SENP8: variants seen among roughly 807,000 people sequenced by gnomAD.
SENP8 encodes the protein SUMO peptidase family member, NEDD8 specific.
Under a neutral mutation model 14.4 loss-of-function variants are expected in SENP8, and 10 were observed. That is an observed-to-expected ratio of 0.69 (90% CI 0.43 to 1.18). The LOEUF (loss-of-function observed/expected upper bound fraction) is 1.18, where lower values mean the gene tolerates loss of function less well. Among genes scored for constraint, SENP8 ranks in the 50% most tolerant of loss-of-function variants. SENP8 has a pLI of 0.00. For synonymous variants in SENP8, 94 were observed against 95.5 expected, an observed-to-expected ratio of 0.98 and a Z score of 0.09; for missense variants, 202 against 249.4, an observed-to-expected ratio of 0.81 and a Z score of 1.28.
chr15:72,131,149 A>C (rs942749003), intron 1 of SENP8, among the ~76,000 whole-genome samples: 2 of 152,176 alleles, frequency 1.3e-5, no homozygotes, highest in East Asian at 3.8e-4. Flanking sequence ...GGATGCAGTG[A>C]GCTATAATCA....
At chr15:72,130,165 G>T (rs1415962743) in intron 1 of SENP8, among the ~76,000 whole-genome samples, 2 of 152,132 alleles carry the variant, frequency 1.3e-5, no homozygotes, top group African/African-American at 4.8e-5. Context: ...ACTCCAGCCT[G>T]AGCAAGAAGA....
chr15:72,123,095 G>A (rs2151323612), intron 1 of SENP8, among the ~76,000 whole-genome samples: 1 of 152,280 alleles, frequency 6.6e-6, no homozygotes, highest in Admixed American at 6.5e-5. Context: ...TGAGCAATTT[G>A]TAATGACAAT....
At chr15:72,137,494 A>G (rs1203199797) in intron 1 of SENP8, among the ~76,000 whole-genome samples, 2 of 152,164 alleles carry the variant, frequency 1.3e-5, no homozygotes, top group African/African-American at 4.8e-5. Flanking sequence ...AGCTAAAGCT[A>G]TGAAACAGGC....
intron 1 of SENP8, among the ~76,000 whole-genome samples, chr15:72,130,211 A>G (rs1341347046): frequency 1.3e-5 from 2 of 152,036 alleles, no homozygotes; most frequent in African/African-American, 2.4e-5. Flanking sequence ...AGAAAAGTCA[A>G]TTTATCTGGA....
At chr15:72,119,503 C>G (rs1246389023) in intron 1 of SENP8, among the ~76,000 whole-genome samples, 1 of 152,112 alleles carries the variant, frequency 6.6e-6, no homozygotes, top group East Asian at 1.9e-4. Flanking sequence ...AATCCCAGCA[C>G]TTTGGGAGGC....
At chr15:72,122,301 C>T (rs1596641915) in intron 1 of SENP8, among the ~76,000 whole-genome samples, 1 of 147,296 alleles carries the variant, frequency 6.8e-6, no homozygotes, top group South Asian at 2.1e-4. Flanking sequence ...ACATTTCTGA[C>T]TTTTAAAAGT....
At chr15:72,129,388 G>A (rs1013275018) in intron 1 of SENP8, among the ~76,000 whole-genome samples, 1 of 151,394 alleles carries the variant, frequency 6.6e-6, no homozygotes, top group East Asian at 2.0e-4. Context: ...TTTTGAGACA[G>A]TTTCGCTGTT....
chr15:72,132,301 G>C (rs192790911), intron 1 of SENP8, among the ~76,000 whole-genome samples: 1 of 151,650 alleles, frequency 6.6e-6, no homozygotes, highest in Non-Finnish European at 1.5e-5. Flanking sequence ...AACTCTAAAC[G>C]AATTTACTAT....
At chr15:72,132,749 G>A (rs900030067) in intron 1 of SENP8, among the ~76,000 whole-genome samples, 2 of 148,424 alleles carry the variant, frequency 1.3e-5, no homozygotes, top group Admixed American at 6.8e-5. Context: ...TCTGCCTCCC[G>A]TTTTATCTAC....
In SENP8 at chr15:72,141,371, A is replaced by G. The variant is rs2081379084; in HGVS notation, c.*1109A>G. 1 of 152,204 alleles carries G rather than the reference A, an allele frequency of 6.6e-6. No homozygotes were observed. The highest frequency in any genetic ancestry group is 2.4e-5 in the African/African-American group (1 of 41,446). The allele number at this position is 152,204 out of a possible 1,614,324, so 9.4% of individuals were successfully genotyped here. On this transcript the variant is annotated 3_prime_UTR_variant, in exon 2 of 2. Transcript: ENST00000340912. ...GGAACCAAGAGTAGAACGAAATACT[A>G]TCCCTCCAGAAGCACTGATGTGTTT...
At chr15:72,134,717 CT>C in intron 1 of SENP8, 1 of 219,808 alleles carries the variant, frequency 4.5e-6, no homozygotes, top group Non-Finnish European at 9.5e-6. Flanking sequence ...GGAGTTGTTC[CT>C]TTGGCCATGT....
intron 1 of SENP8, among the ~76,000 whole-genome samples, chr15:72,136,366 C>T (rs2081327360): frequency 6.6e-6 from 1 of 152,224 alleles, no homozygotes. Flanking sequence ...ATTTGTGGCC[C>T]ACCCATAACA....
rs1206704311 is a variant in SENP8 at position 72,140,419 on chromosome 15, G to A, written c.*157G>A. On this transcript the variant is annotated 3_prime_UTR_variant, in exon 2 of 2. Coordinates refer to ENST00000340912, the MANE Select transcript of SENP8 (RefSeq NM_145204.4). ...ATATCATCCTCTGCATTATCCCCAT[G>A]GAACGTTTCACTTTAACCCTGACTG... 1.6e-6 allele frequency: 1 copy of A among 625,326 alleles called. No homozygotes were observed. Among genetic ancestry groups the A allele is most frequent in the East Asian group, 2.8e-5 (1 of 36,200 alleles). 38.7% of individuals were successfully genotyped at this position (625,326 alleles called of 1,614,324 possible).
chr15:72,121,079 C>T (rs2081163220), intron 1 of SENP8, among the ~76,000 whole-genome samples: 1 of 152,178 alleles, frequency 6.6e-6, no homozygotes, highest in Non-Finnish European at 1.5e-5. Context: ...GTTCACTTCC[C>T]AACCTCTCTG....
chr15:72,121,219 G>C (rs2081164541), intron 1 of SENP8, among the ~76,000 whole-genome samples: 1 of 152,156 alleles, frequency 6.6e-6, no homozygotes, highest in Non-Finnish European at 1.5e-5. Context: ...AATAAATCAG[G>C]AAAGGTAGAT....
At chr15:72,116,280 A>T (rs2080973549), upstream of SENP8, among the ~76,000 whole-genome samples, 1 of 151,442 alleles carries the variant, frequency 6.6e-6, no homozygotes, top group Admixed American at 6.6e-5. Flanking sequence ...CTGTTACTTT[A>T]ACATTTTTTA....
chr15:72,142,488 T>G lies in SENP8; in HGVS notation c.*2226T>G, dbSNP rs1470019559. 1 of 152,190 alleles carries G rather than the reference T, an allele frequency of 6.6e-6. No individual in the cohort carries two copies. The highest frequency in any genetic ancestry group is 1.5e-5 in the Non-Finnish European group (1 of 68,038). The allele number at this position is 152,190 out of a possible 1,614,324, so 9.4% of individuals were successfully genotyped here. A position where few individuals can be genotyped will look rare whatever the true frequency, so the allele number is the denominator to read the frequency against. ...ATCTATTCTGCAAAATTAATCAAAA[T>G]ATTCAAAAGGAAGGCAGGTTTTTCA... On this transcript the variant is annotated 3_prime_UTR_variant, in exon 2 of 2. Transcript: ENST00000340912.
chr15:72,140,361 A>G lies in SENP8; in HGVS notation c.*99A>G, dbSNP rs1044028627. 8.6e-6 allele frequency: 7 copies of G among 816,302 alleles called. No homozygotes were observed. Among genetic ancestry groups the G allele is most frequent in the Admixed American group, 4.7e-5 (2 of 42,150 alleles). The allele number at this position is 816,302 out of a possible 1,614,324, so 50.6% of individuals were successfully genotyped here. A position where few individuals can be genotyped will look rare whatever the true frequency, so the allele number is the denominator to read the frequency against. ...CAGTGCCTGAGGGAAGATGCCTAGTAGAGGAAAGCTTAATACTCTTTTTCC... is the reference window on the plus strand; with the variant it reads ...CAGTGCCTGAGGGAAGATGCCTAGTGGAGGAAAGCTTAATACTCTTTTTCC... On this transcript the variant is annotated 3_prime_UTR_variant, in exon 2 of 2. Transcript: ENST00000340912.
intron 1 of SENP8, among the ~76,000 whole-genome samples, chr15:72,124,844 C>G (rs998317524): frequency 3.9e-5 from 6 of 151,920 alleles, no homozygotes; most frequent in Non-Finnish European, 8.8e-5. Context: ...AGTATTAATC[C>G]TATTTCTTAA....
Sources: gnomAD v4.1 joint callset for allele counts (sites outside exome capture counted in the v4.1 genomes callset) on GRCh38, gnomAD v4.1.1 for gene constraint, MANE v1.5 for transcripts, NCBI Gene and HGNC (gene_info 2026-07-23, HGNC 2026-07-21) for gene names.